Variants in DSN1 observed in about 807,000 individuals in gnomAD.
The protein encoded by DSN1 is kinetochore-associated protein DSN1 homolog.
DSN1 carries 31 observed loss-of-function variants against 45.7 expected under a neutral mutation model. That is an observed-to-expected ratio of 0.68 (90% confidence interval 0.51 to 0.92). The LOEUF is 0.92. Among genes scored for constraint, DSN1 ranks in the 40% least tolerant of loss-of-function variants. The probability of loss-of-function intolerance (pLI) is 0.00; values close to 1 mark genes in which losing one functional copy is unlikely to be tolerated. For missense variants in DSN1, 394 were observed against 414.2 expected (o/e 0.95, Z 0.42); for synonymous variants, 134 against 142.3 (o/e 0.94, Z 0.41).
intron 6 of DSN1, among the ~76,000 whole-genome samples, chr20:36,762,094 C>G (rs1445805092): frequency 1.3e-5 from 2 of 149,878 alleles, no homozygotes; most frequent in Non-Finnish European, 3.0e-5. Flanking sequence ...AACAAAAGTC[C>G]TAATTCTTTT....
rs1245414525 is a variant in DSN1, at chr20:36,771,052, G to A, written c.176C>T (p.Pro59Leu). ...GAGATCACAATTTCCCCCTTTTTTA[G>A]GGCTAGAGCCAAGGTGAATTCTTTC... is the stretch of plus-strand genomic sequence containing the variant. ...SEERIHLGSS[P>L]KKGGNCDLSH... The change falls in exon 3 of 11, where the codon CCT (proline) becomes CTT (leucine). Residue 59 changes from proline to leucine, a missense_variant. Transcript: ENST00000373750. The A allele has an allele frequency of 1.2e-6, 2 of 1,613,996 alleles. No homozygotes were observed. The highest frequency in any genetic ancestry group is 1.7e-6 in the Non-Finnish European group (2 of 1,180,032).
chr20:36,773,290 G>C (rs571532853), intron 1 of DSN1: 7 of 769,510 alleles, frequency 9.1e-6, no homozygotes, highest in East Asian at 2.6e-4. Flanking sequence ...TGCAGACAGG[G>C]GAACTGAGGT....
chr20:36,755,691 C>G lies in DSN1; in HGVS notation c.864G>C (p.Met288Ile). Residue 288 changes from methionine (M) to isoleucine (I), a missense_variant, in exon 9 of 11, where the codon ATG (methionine) becomes ATC (isoleucine). Met to Ile is a conservative substitution (Grantham distance 10). Transcript: ENST00000373750. ...ACATGAGCCCACTTACCACCAACTC[C>G]ATACAGTCAAAGACTTTGCTCTGGT... ...LQNQSKVFDC[M>I]ELVMDELQGS... is the part of the protein sequence containing the mutation. 6.2e-7 allele frequency: 1 copy of G among 1,613,666 alleles called. No individual in the cohort carries two copies. The highest frequency in any genetic ancestry group is 8.5e-7 in the Non-Finnish European group (1 of 1,179,864).
chr20:36,757,746 T>A (rs866564457), intron 8 of DSN1, among the ~76,000 whole-genome samples: 43 of 152,222 alleles, frequency 2.8e-4, no homozygotes, highest in African/African-American at 9.4e-4. Context: ...TCATAGGCCA[T>A]GTGCTCACTG....
Position 36,758,588 on chromosome 20 carries a change from G to A in DSN1, c.620C>T (p.Ser207Phe), listed in dbSNP as rs143188657. ...GKASDFSLEASVAEMKEYITK... is the reference protein window; with the variant it reads ...GKASDFSLEAFVAEMKEYITK... Reference sequence around the variant, plus strand: ...TATGTATTCCTTCATCTCAGCCACAGATGCTTCCAAAGAAAAATCTGATGC... The same window carrying A: ...TATGTATTCCTTCATCTCAGCCACAAATGCTTCCAAAGAAAAATCTGATGC... The change falls in exon 7 of 11, where the codon TCT becomes TTT. Residue 207 changes from serine (S) to phenylalanine (F), a missense_variant. Coordinates refer to ENST00000373750, the MANE Select transcript of DSN1 (RefSeq NM_001145315.2). 1.6e-5 allele frequency: 25 copies of A among 1,611,494 alleles called. No individual in the cohort carries two copies. Among genetic ancestry groups the A allele is most frequent in the Admixed American group, 1.7e-5 (1 of 59,804 alleles).
In DSN1 at chr20:36,771,040, C is replaced by T. The variant is rs1259833504; in HGVS notation, c.188G>A (p.Gly63Glu). 6.2e-7 allele frequency: 1 copy of T among 1,614,160 alleles called. No individual in the cohort carries two copies. Among genetic ancestry groups the T allele is most frequent in the Non-Finnish European group, 8.5e-7 (1 of 1,180,040 alleles). The part of the protein sequence containing the change: ...IHLGSSPKKG[G>E]NCDLSHQERL... The stretch of plus-strand genomic sequence containing the variant: ...TTCCTGGTGGCTGAGATCACAATTT[C>T]CCCCTTTTTTAGGGCTAGAGCCAAG... Residue 63 changes from glycine to glutamate, a missense_variant, in exon 3 of 11, where the codon GGA becomes GAA. By Grantham distance (98) the Gly-to-Glu change is moderately conservative. Transcript: ENST00000373750.
In DSN1 at chr20:36,755,932, C is replaced by T. The variant is rs544146033; in HGVS notation, c.726-103G>A. On this transcript the variant is annotated intron_variant, in intron 8 of 10. Coordinates refer to ENST00000373750, the MANE Select transcript of DSN1 (RefSeq NM_001145315.2). ...GCTGAATCAGTATTCCTCCACTCTA[C>T]GCTAGCTATAGGCTCACTTCTTAAC... is the stretch of plus-strand genomic sequence containing the variant. 7.7e-5 allele frequency: 102 copies of T among 1,330,428 alleles called. No homozygotes were observed. The East Asian group carries it at 1.5e-3, about 20-fold the overall frequency. 82.4% of individuals were successfully genotyped at this position (1,330,428 alleles called of 1,614,324 possible). A position where few individuals can be genotyped will look rare whatever the true frequency, so the allele number is the denominator to read the frequency against.
At position 36,765,247 on chromosome 20, in the gene DSN1, T is replaced by TAAAAA. The variant is rs33998027; in HGVS notation, c.502+1517_502+1521dup. On this transcript the variant is annotated intron_variant, in intron 5 of 10. Coordinates refer to ENST00000373750, the MANE Select transcript of DSN1 (RefSeq NM_001145315.2). The stretch of plus-strand genomic sequence containing the variant: ...TGCATACGTGCCAAAAGGCTTGTGT[T>TAAAAA]AAAAAAAAAAAAAAAAAAAAAAAAA... 4.0e-5 allele frequency among the ~76,000 whole-genome samples: 3 copies of TAAAAA among 75,264 alleles called. 1 individual carries two copies. Among genetic ancestry groups the TAAAAA allele is most frequent in the African/African-American group, 1.2e-4 (2 of 17,048 alleles). The allele number at this position is 75,264 out of a possible 152,430, so 49.4% of individuals were successfully genotyped here. A position where few individuals can be genotyped will look rare whatever the true frequency, so the allele number is the denominator to read the frequency against.
intron 5 of DSN1, among the ~76,000 whole-genome samples, chr20:36,763,236 T>G (rs1229353198): frequency 6.6e-6 from 1 of 151,370 alleles, no homozygotes; most frequent in Non-Finnish European, 1.5e-5. Context: ...AAACCCTGTC[T>G]CTACTAAAAA....
chr20:36,757,014 CA>C (rs1011067083), intron 8 of DSN1, among the ~76,000 whole-genome samples: 1 of 151,528 alleles, frequency 6.6e-6, no homozygotes, highest in South Asian at 2.1e-4. Flanking sequence ...GATTCTATCT[CA>C]AAAAAAAGCT....
chr20:36,760,824 A>G (rs1026721630), intron 6 of DSN1, among the ~76,000 whole-genome samples: 16 of 152,198 alleles, frequency 1.1e-4, no homozygotes, highest in Non-Finnish European at 1.8e-4. Context: ...TGGGAGGCAG[A>G]GGTTGCAGTG....
At chr20:36,767,490 G>A (rs564778859) in intron 4 of DSN1, among the ~76,000 whole-genome samples, 1 of 152,276 alleles carries the variant, frequency 6.6e-6, no homozygotes, top group Admixed American at 6.5e-5. Context: ...AAAAGGCTGG[G>A]CACGGTGGCT....
At chr20:36,754,155 C>T (rs1986540592) in intron 10 of DSN1, among the ~76,000 whole-genome samples, 1 of 152,006 alleles carries the variant, frequency 6.6e-6, no homozygotes, top group Admixed American at 6.6e-5. Context: ...AGGGGGACCC[C>T]ATCTCTACAA....
intron 5 of DSN1, among the ~76,000 whole-genome samples, chr20:36,765,785 G>A (rs1318941483): frequency 2.1e-5 from 3 of 141,398 alleles, no homozygotes; most frequent in Admixed American, 7.2e-5. Flanking sequence ...GCGACAGAGC[G>A]AGAGTCTGTC....
chr20:36,769,842 C>T (rs2148284393), intron 3 of DSN1, among the ~76,000 whole-genome samples: 1 of 151,554 alleles, frequency 6.6e-6, no homozygotes, highest in Non-Finnish European at 1.5e-5. Flanking sequence ...TGTAAATTCA[C>T]ACAAAATGAC....
Position 36,754,336 on chromosome 20 carries a change from G to GC in DSN1, c.961+426dup, listed in dbSNP as rs537927288. ...CCTGGATGACAAAGCGAGAGACTTTGCCCCCCCAGCCCAAAAAAAAAGTAG... is the reference window on the plus strand; with the variant it reads ...CCTGGATGACAAAGCGAGAGACTTTGCCCCCCCCAGCCCAAAAAAAAAGTAG... On this transcript the variant is annotated intron_variant, in intron 10 of 10. Coordinates refer to ENST00000373750, the MANE Select transcript of DSN1 (RefSeq NM_001145315.2). 1.1e-4 allele frequency among the ~76,000 whole-genome samples: 16 copies of GC among 151,662 alleles called. No homozygotes were observed. In the South Asian group the frequency reaches 2.5e-3, roughly 24 times the overall value.
chr20:36,771,289 G>C (rs1021295606), intron 2 of DSN1, 96 bp from the exon 3 acceptor site: 1 of 1,478,728 alleles, frequency 6.8e-7, no homozygotes, highest in African/African-American at 1.4e-5. Context: ...CCCCTAGATC[G>C]TGGAAACATA....
Position 36,758,038 on chromosome 20 carries a change from T to A in DSN1, c.725+49A>T, listed in dbSNP as rs1287336966. On this transcript the variant is annotated intron_variant, in intron 8 of 10. Coordinates refer to ENST00000373750, the MANE Select transcript of DSN1 (RefSeq NM_001145315.2). ...CTAACAGAACTGAAATAAACACCAA[T>A]CAAACTCCATAAGATTTTTAAAGAG... 8 of 1,538,678 alleles carry A rather than the reference T, an allele frequency of 5.2e-6. No individual in the cohort carries two copies. In the East Asian group the frequency reaches 1.4e-4, roughly 26 times the overall value.
chr20:36,770,962 T>TA lies in DSN1; in HGVS notation c.265dup (p.Tyr89LeufsTer62), dbSNP rs1476399380. 1 of 1,614,204 alleles carries TA rather than the reference T, an allele frequency of 6.2e-7. No homozygotes were observed. Among genetic ancestry groups the TA allele is most frequent in the African/African-American group, 1.3e-5 (1 of 75,064 alleles). ...CCGCCAGGATTGCCTCCTGTCTTGA[T>TA]AACTGGCAGATTGTTCTTGAGGAGA... On this transcript the variant is annotated frameshift_variant, in exon 3 of 11. Transcript: ENST00000373750. LOFTEE classifies it high-confidence loss of function.
Sources: allele counts gnomAD v4.1 joint callset (sites outside exome capture counted in the v4.1 genomes callset), GRCh38; gene constraint gnomAD v4.1.1; transcripts MANE v1.5; gene names NCBI Gene and HGNC (gene_info 2026-07-23, HGNC 2026-07-21).